Variants in L1CAM observed in about 807,000 individuals in gnomAD.
The protein encoded by L1CAM is L1 cell adhesion molecule, also known as neural cell adhesion molecule L1.
L1CAM carries 8 observed loss-of-function variants against 93.0 expected under a neutral mutation model. That is an observed-to-expected ratio of 0.09 (90% confidence interval 0.05 to 0.16). L1CAM has a LOEUF of 0.16. Among genes scored for constraint, L1CAM ranks in the 10% least tolerant of loss-of-function variants. The pLI, the probability that L1CAM is intolerant of heterozygous loss-of-function variation, is 1.00. For synonymous variants in L1CAM, 453 were observed against 453.0 expected (o/e 1.00, Z 0.00); for missense variants, 777 against 1,073.4 (o/e 0.72, Z 3.86).
At position 153,862,735 on chromosome X, in the gene L1CAM, C is replaced by T. The variant is rs1315137274; in HGVS notation, c.3702G>A (p.Glu1234=). ...TGTCATTGCCCCCTGCCGCCTCCTT[C>T]TCCTTCTTGCCACTGTACTGGCCAA... The part of the protein sequence containing the change: ...SFIGQYSGKK[E]KEAAGGNDSS... The change falls in exon 29 of 29, where the codon GAG becomes GAA. Residue 1234 remains glutamate (E), a synonymous_variant. Coordinates refer to ENST00000370060, the MANE Select transcript of L1CAM (RefSeq NM_001278116.2). 1 of 1,212,441 alleles carries T rather than the reference C, an allele frequency of 8.2e-7. No individual in the cohort carries two copies. Among genetic ancestry groups the T allele is most frequent in the Admixed American group, 2.2e-5 (1 of 46,154 alleles).
At chrX:153,884,312 C>G in intron 1 of L1CAM, 1 of 916,828 alleles carries the variant, frequency 1.1e-6, no homozygotes, top group Middle Eastern at 3.9e-4. Flanking sequence ...CAGGGGACCC[C>G]GCCACCTTGA....
intron 1 of L1CAM, among the ~76,000 whole-genome samples, chrX:153,878,739 T>A (rs1458655458): frequency 9.0e-6 from 1 of 111,559 alleles, no homozygotes; most frequent in Non-Finnish European, 1.9e-5. Flanking sequence ...TGGAGGTCGA[T>A]AATTTCTGCC....
chrX:153,881,469 A>T (rs1173702676), intron 1 of L1CAM, among the ~76,000 whole-genome samples: 1 of 111,654 alleles, frequency 9.0e-6, no homozygotes, highest in Non-Finnish European at 1.9e-5. Context: ...GATGGCAGGC[A>T]AATGTCGGGG....
intron 26 of L1CAM, 151 bp from the exon 27 acceptor site, chrX:153,863,700 C>T: frequency 1.2e-6 from 1 of 816,224 alleles, no homozygotes; most frequent in Non-Finnish European, 1.8e-6. Flanking sequence ...TGCGGTCCAG[C>T]CACCACTTGC....
Position 153,875,926 on chromosome X carries a change from G to C in L1CAM, c.-90C>G. On this transcript the variant is annotated 5_prime_UTR_variant, in exon 2 of 29. Coordinates refer to ENST00000370060, the MANE Select transcript of L1CAM (RefSeq NM_001278116.2). The stretch of plus-strand genomic sequence containing the variant: ...GGGGGCTGGTGGGCGGCTTGGGGCG[G>C]GAGTTGGGAGTGGGGGCACTGGGAG... The C allele has an allele frequency of 1.4e-5, 11 of 771,697 alleles. No individual in the cohort carries two copies. The South Asian group carries it at 2.2e-4, about 15-fold the overall frequency. 63.6% of individuals were successfully genotyped at this position (771,697 alleles called of 1,213,427 possible). A position where few individuals can be genotyped will look rare whatever the true frequency, so the allele number is the denominator to read the frequency against.
chrX:153,864,685 G>A lies in L1CAM; in HGVS notation c.3066C>T (p.Asn1022=), dbSNP rs782564809. The A allele has an allele frequency of 1.6e-6, 2 of 1,212,273 alleles. No individual in the cohort carries two copies. The highest frequency in any genetic ancestry group is 2.2e-6 in the Non-Finnish European group (2 of 895,532). ...MALSGISDFG[N]ISATAGENYS... ...AGTTTTCACCCGCTGTGGCTGAGAT[G>A]TTGCCAAAATCTGAGATCCCTGGGG... Residue 1022 remains asparagine, a synonymous_variant, in exon 24 of 29, where the codon AAC becomes AAT. Transcript: ENST00000370060.
At chrX:153,880,258 C>A in intron 1 of L1CAM, 1 of 141,888 alleles carries the variant, frequency 7.0e-6, no homozygotes, top group Non-Finnish European at 1.4e-5. Flanking sequence ...ACACACACAC[C>A]CCATCACCAC....
chrX:153,864,960 G>A lies in L1CAM; in HGVS notation c.2907C>T (p.Asn969=). 8.2e-7 allele frequency: 1 copy of A among 1,212,529 alleles called. No homozygotes were observed. The highest frequency in any genetic ancestry group is 1.8e-5 in the South Asian group (1 of 57,060). The change falls in exon 23 of 29, where the codon AAC becomes AAT. Residue 969 remains asparagine, a synonymous_variant. Coordinates refer to ENST00000370060, the MANE Select transcript of L1CAM (RefSeq NM_001278116.2). Reference sequence around the variant, plus strand: ...GTGTCCGAAGTTCGGGGTCCCGAAGGTTGAAGGACAGTTGCCCCTTGCCCC... The same window carrying A: ...GTGTCCGAAGTTCGGGGTCCCGAAGATTGAAGGACAGTTGCCCCTTGCCCC... ...DEGGKGQLSF[N]LRDPELRTHN...
chrX:153,863,606 A>G, intron 26 of L1CAM, 57 bp from the exon 27 acceptor site: 1 of 1,065,440 alleles, frequency 9.4e-7, no homozygotes, highest in Non-Finnish European at 1.3e-6. Context: ...CCGGGGCTCC[A>G]GGCCCCTCTA....
chrX:153,862,714 A>T lies in L1CAM; in HGVS notation c.3723T>A (p.Asn1241Lys). ...TGGGGGAAGTGGCCCCTGAGCTGTC[A>T]TTGCCCCCTGCCGCCTCCTTCTCCT... ...GKKEKEAAGGNDSSGATSPIN... is the reference protein window; with the variant it reads ...GKKEKEAAGGKDSSGATSPIN... The change falls in exon 29 of 29, where the codon AAT (asparagine) becomes AAA (lysine). Residue 1241 changes from asparagine to lysine, a missense_variant. Asn to Lys is a moderately conservative substitution (Grantham distance 94). Coordinates refer to ENST00000370060, the MANE Select transcript of L1CAM (RefSeq NM_001278116.2). 1 of 1,211,892 alleles carries T rather than the reference A, an allele frequency of 8.3e-7. No individual in the cohort carries two copies.
intron 19 of L1CAM, among the ~76,000 whole-genome samples, chrX:153,866,392 C>T (rs781806938): frequency 5.3e-4 from 59 of 110,304 alleles, no homozygotes; most frequent in Non-Finnish European, 9.9e-4. Context: ...AAAACTTGAC[C>T]GGGTACTTCA....
intron 24 of L1CAM, 44 bp downstream of exon 24, chrX:153,864,541 A>G: frequency 2.5e-6 from 3 of 1,207,131 alleles, no homozygotes; most frequent in Non-Finnish European, 3.4e-6. Flanking sequence ...TCTGGCCCAG[A>G]GCCCCCTTCC....
At chrX:153,873,371 G>A in intron 2 of L1CAM, 129 bp from the exon 3 acceptor site, 1 of 707,938 alleles carries the variant, frequency 1.4e-6, no homozygotes, top group Non-Finnish European at 2.3e-6. Flanking sequence ...AATGGCAGGA[G>A]AGGAGGCCCT....
At position 153,865,318 on chromosome X, in the gene L1CAM, G is replaced by T. The variant is rs782345960; in HGVS notation, c.2730C>A (p.Thr910=). Residue 910 remains threonine (T), a synonymous_variant, in exon 21 of 29, where the codon ACC becomes ACA. Coordinates refer to ENST00000370060, the MANE Select transcript of L1CAM (RefSeq NM_001278116.2). ...ACTCACCTCCCTCTGGGGTGCTGAAGGTGAACTCGCTGGCGGGCCCCGATC... is the reference window on the plus strand; with the variant it reads ...ACTCACCTCCCTCTGGGGTGCTGAATGTGAACTCGCTGGCGGGCCCCGATC... The part of the protein sequence containing the change: ...GRGSGPASEF[T]FSTPEGVPGH... 8.3e-7 allele frequency: 1 copy of T among 1,211,121 alleles called. No homozygotes were observed. The highest frequency in any genetic ancestry group is 1.1e-6 in the Non-Finnish European group (1 of 895,222).
chrX:153,879,011 C>T (rs1017857236), intron 1 of L1CAM, among the ~76,000 whole-genome samples: 9 of 110,988 alleles, frequency 8.1e-5, no homozygotes, highest in Admixed American at 1.9e-4. Context: ...TGGGAGGGGG[C>T]GCTCCCTCCT....
chrX:153,875,093 C>A lies in L1CAM; in HGVS notation c.76+668G>T, dbSNP rs188142585. 1.9e-4 allele frequency among the ~76,000 whole-genome samples: 21 copies of A among 111,724 alleles called. No homozygotes were observed. In the East Asian group the frequency reaches 5.3e-3, roughly 28 times the overall value. On this transcript the variant is annotated intron_variant, in intron 2 of 28. Transcript: ENST00000370060. ...ACAGTGTATCCATGCTTAATCACAA[C>A]CCTACGGCCACACTCCCCAACATCC...
intron 1 of L1CAM, among the ~76,000 whole-genome samples, chrX:153,879,537 G>A (rs782189298): frequency 8.9e-6 from 1 of 112,444 alleles, no homozygotes; most frequent in East Asian, 2.8e-4. Context: ...GGTCAGTGGA[G>A]GGGCTTCCCG....
chrX:153,869,599 G>A lies in L1CAM; in HGVS notation c.1188C>T (p.Pro396=). ...RGALILSNVQ[P]SDTMVTQCEA... is the part of the protein sequence containing the mutation. Reference sequence around the variant, plus strand: ...CACATTGGGTCACCATTGTGTCACTGGGCTGCACGTTGCTCAGGATCAGGG... The same window carrying A: ...CACATTGGGTCACCATTGTGTCACTAGGCTGCACGTTGCTCAGGATCAGGG... The change falls in exon 11 of 29, where the codon CCC becomes CCT. Residue 396 remains proline (P), a synonymous_variant. Transcript: ENST00000370060. 8.3e-7 allele frequency: 1 copy of A among 1,210,349 alleles called. No individual in the cohort carries two copies. Among genetic ancestry groups the A allele is most frequent in the Non-Finnish European group, 1.1e-6 (1 of 894,814 alleles).
intron 1 of L1CAM, chrX:153,883,633 C>G (rs1170005064): frequency 6.9e-6 from 2 of 287,789 alleles, no homozygotes; most frequent in Non-Finnish European, 7.0e-6. Context: ...GGCATCCAGA[C>G]CCCCCGCCTC....
Sources: gnomAD v4.1 joint callset for allele counts (sites outside exome capture counted in the v4.1 genomes callset) on GRCh38, gnomAD v4.1.1 for gene constraint, MANE v1.5 for transcripts, NCBI Gene and HGNC (gene_info 2026-07-23, HGNC 2026-07-21) for gene names.